The following LRRTM4 variants were observed in gnomAD, a reference collection of about 807,000 sequenced individuals.
LRRTM4 encodes leucine-rich repeat transmembrane neuronal protein 4.
In LRRTM4, 25 loss-of-function variants were observed where a neutral mutation model predicts 47.6. The observed-to-expected ratio is 0.53, with a 90% CI of 0.38 to 0.73. The LOEUF is 0.73. LRRTM4 is among the 30% of genes least tolerant of loss of function. The probability of loss-of-function intolerance (pLI) is 0.00; values close to 1 mark genes in which losing one functional copy is unlikely to be tolerated. For synonymous variants in LRRTM4, 311 were observed against 269.5 expected (o/e 1.15, Z -1.51); for missense variants, 638 against 713.4 (o/e 0.89, Z 1.20).
chr2:77,471,979 C>T (rs1348200929), intron 3 of LRRTM4, among the ~76,000 whole-genome samples: 1 of 152,130 alleles, frequency 6.6e-6, no homozygotes, highest in Non-Finnish European at 1.5e-5. Flanking sequence ...CATTCATAAG[C>T]CTGCATAGAG....
At chr2:77,082,698 T>C (rs748704539) in intron 3 of LRRTM4, among the ~76,000 whole-genome samples, 5 of 152,090 alleles carry the variant, frequency 3.3e-5, no homozygotes, top group Non-Finnish European at 7.4e-5. Flanking sequence ...AGTAGAGAAA[T>C]AGAAATATCC....
intron 3 of LRRTM4, among the ~76,000 whole-genome samples, chr2:77,480,409 T>C (rs1677628986): frequency 6.6e-6 from 1 of 152,154 alleles, no homozygotes; most frequent in South Asian, 2.1e-4. Flanking sequence ...GAATAGTTTA[T>C]TTATCCGATT....
chr2:77,494,253 G>C (rs1678276452), intron 3 of LRRTM4, among the ~76,000 whole-genome samples: 1 of 152,048 alleles, frequency 6.6e-6, no homozygotes, highest in South Asian at 2.1e-4. Flanking sequence ...AGAGCAAAAA[G>C]AAACTAAATT....
intron 3 of LRRTM4, among the ~76,000 whole-genome samples, chr2:77,028,377 G>A (rs1029118724): frequency 6.6e-6 from 1 of 152,158 alleles, no homozygotes; most frequent in Non-Finnish European, 1.5e-5. Context: ...CAGGAAAAAT[G>A]TTGAGTTGAG....
intron 3 of LRRTM4, among the ~76,000 whole-genome samples, chr2:76,937,603 C>T (rs1675001051): frequency 6.6e-6 from 1 of 152,228 alleles, no homozygotes; most frequent in Non-Finnish European, 1.5e-5. Flanking sequence ...GAGTCTTGCT[C>T]TGTCACCCAG....
chr2:77,158,786 GT>G (rs59965608), intron 3 of LRRTM4, among the ~76,000 whole-genome samples: 39 of 145,986 alleles, frequency 2.7e-4, no homozygotes, highest in Middle Eastern at 3.6e-3. Flanking sequence ...TGCTTTTTTC[GT>G]TTTTTTTTCT....
chr2:76,804,763 AAT>A (rs750204932), intron 3 of LRRTM4, among the ~76,000 whole-genome samples: 5 of 140,658 alleles, frequency 3.6e-5, no homozygotes, highest in African/African-American at 1.2e-4. Flanking sequence ...GTTTTATAAC[AAT>A]ATATATATCA....
chr2:76,959,362 T>C (rs1477835565), intron 3 of LRRTM4, among the ~76,000 whole-genome samples: 1 of 151,300 alleles, frequency 6.6e-6, no homozygotes, highest in Non-Finnish European at 1.5e-5. Context: ...CACATAAACA[T>C]AGAAAAATAT....
chr2:77,106,253 G>A (rs1335304689), intron 3 of LRRTM4, among the ~76,000 whole-genome samples: 1 of 152,100 alleles, frequency 6.6e-6, no homozygotes, highest in Admixed American at 6.5e-5. Flanking sequence ...TAAAATGTAG[G>A]TATTGGTTCC....
intron 3 of LRRTM4, among the ~76,000 whole-genome samples, chr2:77,036,393 G>A (rs533780208): frequency 6.6e-6 from 1 of 151,648 alleles, no homozygotes; most frequent in South Asian, 2.1e-4. Context: ...TCAAACTCTA[G>A]AACATTATTA....
intron 3 of LRRTM4, among the ~76,000 whole-genome samples, chr2:77,299,335 G>A (rs1025484038): frequency 1.1e-4 from 17 of 148,950 alleles, no homozygotes; most frequent in African/African-American, 4.2e-4. Flanking sequence ...GTGTATATAT[G>A]TATATACGTA....
chr2:77,115,639 A>C (rs1671371801), intron 3 of LRRTM4, among the ~76,000 whole-genome samples: 1 of 152,218 alleles, frequency 6.6e-6, no homozygotes, highest in African/African-American at 2.4e-5. Flanking sequence ...AACAAAGTGG[A>C]ACTTGGTAGC....
At chr2:77,101,979 A>G (rs1426449121) in intron 3 of LRRTM4, among the ~76,000 whole-genome samples, 1 of 152,172 alleles carries the variant, frequency 6.6e-6, no homozygotes, top group Non-Finnish European at 1.5e-5. Context: ...ATTCTCTTCC[A>G]CTAAGATAAC....
At chr2:77,129,953 G>T (rs1027643816) in intron 3 of LRRTM4, among the ~76,000 whole-genome samples, 1 of 152,108 alleles carries the variant, frequency 6.6e-6, no homozygotes, top group African/African-American at 2.4e-5. Flanking sequence ...CTAAAAATAC[G>T]AATAAAAACA....
intron 3 of LRRTM4, among the ~76,000 whole-genome samples, chr2:77,345,616 T>C (rs1671532491): frequency 6.6e-6 from 1 of 151,994 alleles, no homozygotes; most frequent in Non-Finnish European, 1.5e-5. Context: ...CTGTTATACA[T>C]GTAGTAGGAT....
intron 3 of LRRTM4, among the ~76,000 whole-genome samples, chr2:77,232,743 G>C (rs139335291): frequency 1.5e-3 from 227 of 152,274 alleles, no homozygotes; most frequent in African/African-American, 5.3e-3. Context: ...TTATGGGTAA[G>C]AGTATTTTTC....
At chr2:76,903,260 G>A (rs756044623) in intron 3 of LRRTM4, among the ~76,000 whole-genome samples, 1 of 152,098 alleles carries the variant, frequency 6.6e-6, no homozygotes, top group African/African-American at 2.4e-5. Flanking sequence ...ACATTAGCTG[G>A]GTGTGGTGGA....
intron 3 of LRRTM4, among the ~76,000 whole-genome samples, chr2:77,512,388 C>A (rs1679053854): frequency 6.6e-6 from 1 of 151,948 alleles, no homozygotes; most frequent in Non-Finnish European, 1.5e-5. Flanking sequence ...CCTGTAATTT[C>A]TTTTTCCTTT....
chr2:77,287,522 G>A (rs986811898), intron 3 of LRRTM4, among the ~76,000 whole-genome samples: 4 of 151,920 alleles, frequency 2.6e-5, no homozygotes, highest in Non-Finnish European at 5.9e-5. Flanking sequence ...GTGAACCCCA[G>A]TCTGAAAATA....
Sources: gnomAD v4.1 joint callset for allele counts (sites outside exome capture counted in the v4.1 genomes callset) on GRCh38, gnomAD v4.1.1 for gene constraint, MANE v1.5 for transcripts, NCBI Gene and HGNC (gene_info 2026-07-23, HGNC 2026-07-21) for gene names.